Variants in LYPD6 observed in about 807,000 individuals in gnomAD.
LYPD6 encodes LY6/PLAUR domain containing 6, also known as ly6/PLAUR domain-containing protein 6.
Under a neutral mutation model 22.7 loss-of-function variants are expected in LYPD6, and 15 were observed. The observed-to-expected ratio is 0.66, with a 90% CI of 0.44 to 1.02. The LOEUF is 1.02. Ranked by LOEUF, LYPD6 falls within the 50% of genes least tolerant of loss-of-function variation. The pLI is 0.00. For synonymous variants in LYPD6, 72 were observed against 77.5 expected, an observed-to-expected ratio of 0.93 and a Z score of 0.37; for missense variants, 189 against 208.4, an observed-to-expected ratio of 0.91 and a Z score of 0.57.
downstream of LYPD6, among the ~76,000 whole-genome samples, chr2:149,477,186 T>A (rs1681460081): frequency 6.6e-6 from 1 of 152,200 alleles, no homozygotes; most frequent in African/African-American, 2.4e-5. Flanking sequence ...AATAACCTTG[T>A]GTATGTTTTG....
At chr2:149,341,624 A>G (rs958366531) in intron 1 of LYPD6, among the ~76,000 whole-genome samples, 2 of 152,184 alleles carry the variant, frequency 1.3e-5, no homozygotes, top group South Asian at 2.1e-4. Flanking sequence ...AAAATACCTG[A>G]GACTGGGAAA....
intron 1 of LYPD6, among the ~76,000 whole-genome samples, chr2:149,364,072 TTA>T (rs1681617249): frequency 6.6e-6 from 1 of 152,150 alleles, no homozygotes; most frequent in Admixed American, 6.5e-5. Flanking sequence ...AAGGTACGAC[TTA>T]TAGAAGATTT....
intron 1 of LYPD6, among the ~76,000 whole-genome samples, chr2:149,408,029 C>T (rs538081522): frequency 1.3e-5 from 2 of 152,304 alleles, no homozygotes; most frequent in South Asian, 2.1e-4. Context: ...GTATCAGCAG[C>T]GGTGTTTGCA....
Position 149,437,714 on chromosome 2 carries a change from A to G in LYPD6, c.6A>G (p.Glu2=). ...GAGTGACACTTCAGTCTGCCATGGA[A>G]CCTGGCCCTGCTCTGGCCTGGCTCC... is the stretch of plus-strand genomic sequence containing the variant. M[E]PGPALAWLLL... The change falls in exon 2 of 5, where the codon GAA becomes GAG. Residue 2 remains glutamate (E), a synonymous_variant. Coordinates refer to ENST00000334166, the MANE Select transcript of LYPD6 (RefSeq NM_194317.5). 6.2e-7 allele frequency: 1 copy of G among 1,614,006 alleles called. No homozygotes were observed. Among genetic ancestry groups the G allele is most frequent in the Non-Finnish European group, 8.5e-7 (1 of 1,179,976 alleles).
intron 1 of LYPD6, among the ~76,000 whole-genome samples, chr2:149,383,819 A>G (rs778572831): frequency 5.3e-5 from 8 of 152,236 alleles, no homozygotes; most frequent in Non-Finnish European, 1.2e-4. Context: ...TTCCCTACAT[A>G]TGGTGTGTTT....
chr2:149,343,513 T>TA (rs1331572887), intron 1 of LYPD6, among the ~76,000 whole-genome samples: 1 of 152,160 alleles, frequency 6.6e-6, no homozygotes, highest in Non-Finnish European at 1.5e-5. Flanking sequence ...AGATCACTGT[T>TA]AAAAGCCTTC....
rs116532572 is a variant in LYPD6, at chr2:149,338,329, T to A, written c.-72+7607T>A. Among the ~76,000 whole-genome samples the A allele has an allele frequency of 1.8e-3, 271 of 152,336 alleles. 1 individual carries two copies. Among genetic ancestry groups the A allele is most frequent in the Non-Finnish European group, 3.2e-3 (216 of 68,022 alleles). On this transcript the variant is annotated intron_variant, in intron 1 of 4. Coordinates refer to ENST00000334166, the MANE Select transcript of LYPD6 (RefSeq NM_194317.5). ...ATGTCAGCATCTTTTATTTTTTGGC[T>A]GACCCTTCTTGATAAGCTAGAATCT...
intron 1 of LYPD6, among the ~76,000 whole-genome samples, chr2:149,411,390 CT>C (rs1268534306): frequency 6.6e-6 from 1 of 152,084 alleles, no homozygotes; most frequent in African/African-American, 2.4e-5. Context: ...CTGCCTTTTC[CT>C]TCAGGAAACT....
At chr2:149,446,270 A>G (rs1683685217) in intron 2 of LYPD6, among the ~76,000 whole-genome samples, 2 of 152,218 alleles carry the variant, frequency 1.3e-5, no homozygotes, top group Non-Finnish European at 2.9e-5. Flanking sequence ...GAAAAGTTTG[A>G]CATATTGCAA....
At chr2:149,331,215 T>A (rs116463548) in intron 1 of LYPD6, among the ~76,000 whole-genome samples, 2,104 of 151,924 alleles carry the variant, frequency 0.014, 42 homozygotes, top group African/African-American at 0.048. Context: ...GTGCTGGAGG[T>A]ACCTCCCCGC....
chr2:149,344,097 A>G (rs1681210767), intron 1 of LYPD6, among the ~76,000 whole-genome samples: 1 of 152,212 alleles, frequency 6.6e-6, no homozygotes. Context: ...ATATTGGACT[A>G]TCTGGTGTCT....
chr2:149,414,836 G>A (rs779188625), intron 1 of LYPD6, among the ~76,000 whole-genome samples: 7 of 152,198 alleles, frequency 4.6e-5, no homozygotes, highest in Non-Finnish European at 1.0e-4. Context: ...ATTCTGTGGA[G>A]GTCATGTTGA....
chr2:149,425,736 T>C (rs555209290), intron 1 of LYPD6, among the ~76,000 whole-genome samples: 6 of 152,320 alleles, frequency 3.9e-5, no homozygotes, highest in Admixed American at 2.0e-4. Context: ...CCTGCCTCAG[T>C]GATACAGAGT....
At chr2:149,418,988 A>G (rs1683023127) in intron 1 of LYPD6, among the ~76,000 whole-genome samples, 3 of 152,372 alleles carry the variant, frequency 2.0e-5, no homozygotes, top group South Asian at 4.1e-4. Context: ...ACTTTCTATA[A>G]TACAATTATA....
intron 1 of LYPD6, among the ~76,000 whole-genome samples, chr2:149,370,846 G>C (rs1056478822): frequency 6.6e-6 from 1 of 152,130 alleles, no homozygotes; most frequent in Non-Finnish European, 1.5e-5. Context: ...TGTAGTCCCT[G>C]CTACTCAGGA....
intron 1 of LYPD6, among the ~76,000 whole-genome samples, chr2:149,342,712 C>T (rs1681185960): frequency 1.3e-5 from 2 of 152,144 alleles, no homozygotes; most frequent in Non-Finnish European, 2.9e-5. Flanking sequence ...CTCTAACGGC[C>T]AGTGTTCTTT....
At chr2:149,339,178 A>G (rs1201092236) in intron 1 of LYPD6, among the ~76,000 whole-genome samples, 1 of 152,166 alleles carries the variant, frequency 6.6e-6, no homozygotes, top group Non-Finnish European at 1.5e-5. Context: ...CGACTCCAAG[A>G]CTAACACAGA....
chr2:149,415,867 A>G (rs1682950864), intron 1 of LYPD6, among the ~76,000 whole-genome samples: 1 of 151,658 alleles, frequency 6.6e-6, no homozygotes, highest in Non-Finnish European at 1.5e-5. Context: ...TTTTGTAGAG[A>G]TGGGGTTTCT....
chr2:149,480,356 C>T, the LYPD6 span, among the ~76,000 whole-genome samples: 1 of 152,148 alleles, frequency 6.6e-6, no homozygotes, highest in Admixed American at 6.5e-5. Flanking sequence ...AGCCTCAGCT[C>T]TTTGCACAGT....
Sources: gnomAD v4.1 joint callset for allele counts (sites outside exome capture counted in the v4.1 genomes callset) on GRCh38, gnomAD v4.1.1 for gene constraint, MANE v1.5 for transcripts, NCBI Gene and HGNC (gene_info 2026-07-23, HGNC 2026-07-21) for gene names.